SLC35D1: variants seen among roughly 807,000 people sequenced by gnomAD.
The protein encoded by SLC35D1 is solute carrier family 35 member D1, also known as nucleotide sugar transporter SLC35D1.
SLC35D1 carries 31 observed loss-of-function variants against 46.7 expected under a neutral mutation model. The ratio of observed to expected loss-of-function variants is 0.66; its 90% CI spans 0.50 to 0.90. The LOEUF is 0.90. SLC35D1 is among the 40% of genes least tolerant of loss of function. The pLI is 0.00. For missense variants in SLC35D1, 397 were observed against 426.2 expected (o/e 0.93, Z 0.60); for synonymous variants, 195 against 164.6 (o/e 1.18, Z -1.41).
chr1:67,023,883 T>C (rs1161184853), intron 8 of SLC35D1, among the ~76,000 whole-genome samples: 1 of 152,096 alleles, frequency 6.6e-6, no homozygotes, highest in Non-Finnish European at 1.5e-5. Flanking sequence ...ATCACACATA[T>C]GCTATACACA....
At chr1:66,985,245 C>T in the SLC35D1 span, 28 of 972,012 alleles carry the variant, frequency 2.9e-5, no homozygotes, top group Non-Finnish European at 3.4e-5. Context: ...ATGTATTAAT[C>T]ATAAAATTTC....
the SLC35D1 span, chr1:66,981,758 A>C: frequency 2.6e-6 from 4 of 1,558,790 alleles, no homozygotes; most frequent in Admixed American, 1.9e-5. Flanking sequence ...TTAATATAAA[A>C]ATTGTTTTAT....
intron 10 of SLC35D1, among the ~76,000 whole-genome samples, chr1:67,019,490 C>A (rs1204372307): frequency 6.6e-6 from 1 of 152,202 alleles, no homozygotes; most frequent in African/African-American, 2.4e-5. Flanking sequence ...GATTTTAACC[C>A]AATCTAGTCT....
In SLC35D1 at chr1:67,054,082, G is replaced by A. The variant is rs1377255326; in HGVS notation, c.-69C>T. ...CGGGGGCCTGCAGCGGCAGCTCCCA[G>A]GGGACTCCAGGAGTTGGGGACCGCA... On this transcript the variant is annotated 5_prime_UTR_variant, in exon 1 of 12. Transcript: ENST00000235345. 3 of 1,520,282 alleles carry A rather than the reference G, an allele frequency of 2.0e-6. No homozygotes were observed. The highest frequency in any genetic ancestry group is 2.8e-5 in the African/African-American group (2 of 72,268). The allele number at this position is 1,520,282 out of a possible 1,614,324, so 94.2% of individuals were successfully genotyped here.
In SLC35D1 at chr1:67,008,959, T is replaced by C. The variant is rs1173259762; in HGVS notation, c.959+126A>G. ...GTAGAGACATTAAATATGTAGCACA[T>C]AGAAGGCACTCCACATATGTTTAAT... On this transcript the variant is annotated intron_variant, in intron 11 of 11. Transcript: ENST00000235345. 1.1e-5 allele frequency: 6 copies of C among 531,810 alleles called. 1 individual carries two copies. Among genetic ancestry groups the C allele is most frequent in the South Asian group, 6.1e-5 (3 of 49,198 alleles). The allele number at this position is 531,810 out of a possible 1,614,324, so 32.9% of individuals were successfully genotyped here.
intron 8 of SLC35D1, among the ~76,000 whole-genome samples, chr1:67,022,343 A>T (rs955134188): frequency 6.6e-6 from 1 of 152,204 alleles, no homozygotes; most frequent in Non-Finnish European, 1.5e-5. Context: ...ACTTCCGCAT[A>T]AATCTGATGG....
intron 10 of SLC35D1, among the ~76,000 whole-genome samples, chr1:67,017,668 A>T (rs1667712137): frequency 6.6e-6 from 1 of 151,610 alleles, no homozygotes. Context: ...ACTCTAAAAA[A>T]CTCTATACAC....
chr1:66,996,757 C>T (rs1667242265), downstream of SLC35D1, among the ~76,000 whole-genome samples: 1 of 152,076 alleles, frequency 6.6e-6, no homozygotes. Flanking sequence ...TAGCGTTGCC[C>T]AATACTGACA....
At chr1:67,027,260 A>G (rs1221195131) in intron 8 of SLC35D1, among the ~76,000 whole-genome samples, 1 of 151,990 alleles carries the variant, frequency 6.6e-6, no homozygotes, top group Non-Finnish European at 1.5e-5. Flanking sequence ...GATATTGATA[A>G]TTTATGTAAA....
chr1:66,981,463 A>G, the SLC35D1 span, among the ~76,000 whole-genome samples: 8 of 152,132 alleles, frequency 5.3e-5, no homozygotes, highest in Admixed American at 1.3e-4. Flanking sequence ...CATCACCCCT[A>G]TCACTTCAGT....
At chr1:67,023,912 A>G (rs531954009) in intron 8 of SLC35D1, among the ~76,000 whole-genome samples, 2 of 151,682 alleles carry the variant, frequency 1.3e-5, no homozygotes, top group African/African-American at 4.8e-5. Context: ...TAAAATACAA[A>G]TATTTTTTCC....
At chr1:66,974,630 A>AT in the SLC35D1 span, among the ~76,000 whole-genome samples, 3 of 152,298 alleles carry the variant, frequency 2.0e-5, no homozygotes, top group East Asian at 5.8e-4. Context: ...GCCAAGTAAC[A>AT]TAAGTATTAA....
At chr1:66,982,894 C>T in the SLC35D1 span, among the ~76,000 whole-genome samples, 1 of 152,210 alleles carries the variant, frequency 6.6e-6, no homozygotes, top group African/African-American at 2.4e-5. Context: ...TAATGTTTGT[C>T]ACGTCCATTC....
chr1:66,984,926 G>C, the SLC35D1 span: 1 of 1,545,672 alleles, frequency 6.5e-7, no homozygotes, highest in Non-Finnish European at 8.7e-7. Context: ...TACTTTCTTT[G>C]GAGTAAATTC....
intron 10 of SLC35D1, among the ~76,000 whole-genome samples, chr1:67,014,327 A>G (rs1158607135): frequency 2.6e-5 from 4 of 152,224 alleles, no homozygotes; most frequent in African/African-American, 7.2e-5. Context: ...CTAAAACACA[A>G]TAAGGGCTTG....
intron 8 of SLC35D1, among the ~76,000 whole-genome samples, chr1:67,029,297 T>C (rs1013884041): frequency 9.2e-5 from 14 of 152,254 alleles, no homozygotes; most frequent in African/African-American, 2.7e-4. Context: ...TGATGATTTA[T>C]CTCTGTATCC....
intron 8 of SLC35D1, among the ~76,000 whole-genome samples, chr1:67,039,524 C>CAT (rs1558163138): frequency 9.9e-4 from 48 of 48,480 alleles, no homozygotes; most frequent in African/African-American, 1.9e-3. Context: ...TGTGTGTGCG[C>CAT]GCGTGGGGGG....
chr1:67,026,754 G>A (rs6700982), intron 8 of SLC35D1, among the ~76,000 whole-genome samples: 22,716 of 152,080 alleles, frequency 0.15, 3,364 homozygotes, highest in African/African-American at 0.39. Context: ...CTGAGACTGG[G>A]TAATTTATAA....
intron 8 of SLC35D1, among the ~76,000 whole-genome samples, chr1:67,028,934 C>A (rs926151145): frequency 6.6e-6 from 1 of 152,138 alleles, no homozygotes; most frequent in African/African-American, 2.4e-5. Flanking sequence ...CTCTTCTCAT[C>A]CTTTCTTAAC....
Sources: gnomAD v4.1 joint callset for allele counts (sites outside exome capture counted in the v4.1 genomes callset) on GRCh38, gnomAD v4.1.1 for gene constraint, MANE v1.5 for transcripts, NCBI Gene and HGNC (gene_info 2026-07-23, HGNC 2026-07-21) for gene names.